Variants in DLG5 observed in about 807,000 individuals in gnomAD.
DLG5 encodes disks large homolog 5.
In DLG5, 48 loss-of-function variants were observed where a neutral mutation model predicts 189.8. The observed-to-expected ratio is 0.25, with a 90% confidence interval of 0.20 to 0.32. DLG5 has a LOEUF of 0.32. Ranked by LOEUF, DLG5 falls within the 10% of genes least tolerant of loss-of-function variation. DLG5 has a pLI of 1.00. For synonymous variants in DLG5, 1,016 were observed against 1,054.1 expected (o/e 0.96, Z 0.70); for missense variants, 2,160 against 2,544.7 (o/e 0.85, Z 3.25).
At chr10:77,868,075 G>C in intron 2 of DLG5, 1 of 456,594 alleles carries the variant, frequency 2.2e-6, no homozygotes, top group Non-Finnish European at 4.4e-6. Context: ...TCTCCCTAGC[G>C]CCTTCAGCCT....
At position 77,926,611 on chromosome 10, in the gene DLG5, T is replaced by A; in HGVS notation, c.-91A>T. 9.7e-7 allele frequency: 1 copy of A among 1,032,678 alleles called. No individual in the cohort carries two copies. The highest frequency in any genetic ancestry group is 1.2e-6 in the Non-Finnish European group (1 of 838,154). 64.0% of individuals were successfully genotyped at this position (1,032,678 alleles called of 1,614,324 possible). A position where few individuals can be genotyped will look rare whatever the true frequency, so the allele number is the denominator to read the frequency against. Reference sequence around the variant, plus strand: ...CAGGCGAGCACCTCGGCAGCAGCCCTAGGGCGCCGGGAGCCGTGAGGCGGC... The same window carrying A: ...CAGGCGAGCACCTCGGCAGCAGCCCAAGGGCGCCGGGAGCCGTGAGGCGGC... On this transcript the variant is annotated 5_prime_UTR_variant, in exon 1 of 32. An upstream open reading frame in the 5' UTR loses its in-frame stop. Transcript: ENST00000372391. The surrounding 1 kb of genome is among the most constrained non-coding windows in gnomAD (Gnocchi z 5.2).
At chr10:77,911,425 T>C (rs1846217619) in intron 1 of DLG5, among the ~76,000 whole-genome samples, 2 of 152,232 alleles carry the variant, frequency 1.3e-5, no homozygotes, top group Admixed American at 6.5e-5. Context: ...AGAATTAAAG[T>C]ATTTTAAAGT....
rs1382840376 is a variant in DLG5 at position 77,926,072 on chromosome 10, G to A, written c.304+145C>T. ...GGCGGGACTTCGGGATCCGCGCACC[G>A]CCGCCTCCCCAACTGGGCCAGAGGA... On this transcript the variant is annotated intron_variant, in intron 1 of 31. Transcript: ENST00000372391. This position sits in a 1 kb window ranked among gnomAD's most constrained non-coding sequence, Gnocchi z 5.2. 1.3e-5 allele frequency: 11 copies of A among 876,222 alleles called. No homozygotes were observed. The Admixed American group carries it at 2.6e-4, about 21-fold the overall frequency. 54.3% of individuals were successfully genotyped at this position (876,222 alleles called of 1,614,324 possible).
chr10:77,820,065 G>A, intron 15 of DLG5, 47 bp from the exon 16 acceptor site: 1 of 1,606,708 alleles, frequency 6.2e-7, no homozygotes, highest in Non-Finnish European at 8.5e-7. Context: ...GTGGAGTGTG[G>A]CCAGGCGCAG....
At chr10:77,798,624 C>T (rs1388899453) in intron 27 of DLG5, among the ~76,000 whole-genome samples, 2 of 152,166 alleles carry the variant, frequency 1.3e-5, no homozygotes, top group Non-Finnish European at 2.9e-5. Context: ...CTTTATAACT[C>T]GCTCCTTGTC....
intron 29 of DLG5, 52 bp from the exon 30 acceptor site, chr10:77,795,010 C>A (rs532449862): frequency 7.4e-6 from 11 of 1,488,738 alleles, no homozygotes; most frequent in Non-Finnish European, 1.0e-5. Context: ...GGGCAGCCAG[C>A]CCCCTGTCCT....
intron 20 of DLG5, chr10:77,816,300 G>T (rs536626556): frequency 1.4e-6 from 1 of 698,110 alleles, no homozygotes; most frequent in Admixed American, 2.0e-5. Flanking sequence ...ATGATGGCAC[G>T]ATCACCGTCA....
rs533151320 is a variant in DLG5, at chr10:77,924,855, T to G, written c.304+1362A>C. On this transcript the variant is annotated intron_variant, in intron 1 of 31. Transcript: ENST00000372391. ...CAATTTAGTCTCTCTGTCAGTTTCCTGCAGCTACAAAAATTGAGGTTAAGA... is the reference window on the plus strand; with the variant it reads ...CAATTTAGTCTCTCTGTCAGTTTCCGGCAGCTACAAAAATTGAGGTTAAGA... Among the ~76,000 whole-genome samples, 23 of 152,288 alleles carry G rather than the reference T, an allele frequency of 1.5e-4. No individual in the cohort carries two copies. The South Asian group carries it at 4.8e-3, about 32-fold the overall frequency.
chr10:77,851,674 C>T (rs1843982723), intron 5 of DLG5, among the ~76,000 whole-genome samples: 2 of 152,256 alleles, frequency 1.3e-5, no homozygotes. Flanking sequence ...CTTAGGGTCT[C>T]TTGCTGAGCC....
At chr10:77,864,391 C>T (rs991510099) in intron 2 of DLG5, among the ~76,000 whole-genome samples, 2 of 152,204 alleles carry the variant, frequency 1.3e-5, no homozygotes, top group African/African-American at 2.4e-5. Flanking sequence ...CAGAGCACCA[C>T]GTCATCCTCA....
intron 2 of DLG5, among the ~76,000 whole-genome samples, chr10:77,857,204 G>A (rs924858744): frequency 2.0e-5 from 3 of 152,136 alleles, no homozygotes; most frequent in Non-Finnish European, 4.4e-5. Flanking sequence ...TGTTTTGGCC[G>A]TGATCCTTGC....
chr10:77,829,063 C>T, intron 12 of DLG5, 78 bp from the exon 13 acceptor site: 2 of 1,453,898 alleles, frequency 1.4e-6, no homozygotes, highest in Non-Finnish European at 1.9e-6. Context: ...ATCTTTGTTA[C>T]CATCTTCTTA....
At chr10:77,906,483 C>A (rs116078745) in intron 1 of DLG5, among the ~76,000 whole-genome samples, 2,779 of 152,292 alleles carry the variant, frequency 0.018, 87 homozygotes, top group African/African-American at 0.063. Context: ...TTTCTTGAAT[C>A]GTCAGGGACT....
At chr10:77,904,020 C>G (rs1407078046) in intron 1 of DLG5, among the ~76,000 whole-genome samples, 7 of 152,130 alleles carry the variant, frequency 4.6e-5, no homozygotes, top group African/African-American at 1.4e-4. Context: ...AAAGGCTGCT[C>G]TAAGTCAAGT....
At chr10:77,792,773 ACC>A in intron 31 of DLG5, 1 of 519,438 alleles carries the variant, frequency 1.9e-6, no homozygotes, top group South Asian at 2.7e-5. Context: ...TGCAGTTAAC[ACC>A]CTGGGTTGGG....
rs1370998409 is a variant in DLG5, at chr10:77,822,017, G to A, written c.2467C>T (p.His823Tyr). The part of the protein sequence containing the change: ...DSDKMLSFRA[H>Y]GPEVQAHNKR... ...TTATGAGCCTGGACCTCCGGGCCATGGGCTCGAAAACTCAGCATCTTATCA... is the reference window on the plus strand; with the variant it reads ...TTATGAGCCTGGACCTCCGGGCCATAGGCTCGAAAACTCAGCATCTTATCA... The change falls in exon 15 of 32, where the codon CAT (histidine) becomes TAT (tyrosine). Residue 823 changes from histidine to tyrosine, a missense_variant. This residue lies in a region of DLG5 where 754 missense variants were observed against 746.5 expected (regional missense o/e 1.01). Transcript: ENST00000372391. The A allele has an allele frequency of 3.7e-6, 6 of 1,614,184 alleles. No individual in the cohort carries two copies. The highest frequency in any genetic ancestry group is 5.1e-6 in the Non-Finnish European group (6 of 1,180,002).
At chr10:77,815,555 G>A (rs1842008661) in intron 20 of DLG5, among the ~76,000 whole-genome samples, 1 of 152,108 alleles carries the variant, frequency 6.6e-6, no homozygotes, top group Admixed American at 6.5e-5. Flanking sequence ...AGCTACTCAG[G>A]AGGCTGAGGC....
chr10:77,926,045 G>A lies in DLG5; in HGVS notation c.304+172C>T, dbSNP rs1846679712. Among the ~76,000 whole-genome samples the A allele has an allele frequency of 6.6e-6, 1 of 152,150 alleles. No homozygotes were observed. ...ACAGCGAACGGCGGGACTGGGGGAG[G>A]CGGCGGGACTTCGGGATCCGCGCAC... On this transcript the variant is annotated intron_variant, in intron 1 of 31. Transcript: ENST00000372391. This position sits in a 1 kb window ranked among gnomAD's most constrained non-coding sequence, Gnocchi z 5.2.
chr10:77,884,294 C>T (rs1199263067), intron 1 of DLG5, among the ~76,000 whole-genome samples: 1 of 152,088 alleles, frequency 6.6e-6, no homozygotes, highest in Admixed American at 6.5e-5. Flanking sequence ...ATTGATTGGC[C>T]CTGTTTCTCC....
Sources: allele counts gnomAD v4.1 joint callset (sites outside exome capture counted in the v4.1 genomes callset), GRCh38; gene constraint gnomAD v4.1.1; regional missense constraint gnomAD v4.1.1; non-coding constraint Gnocchi (gnomAD v3.1); transcripts MANE v1.5; gene names NCBI Gene and HGNC (gene_info 2026-07-23, HGNC 2026-07-21).